Variants in PCSK5 observed in about 807,000 individuals in gnomAD.
PCSK5 encodes prohormone convertase 5.
In PCSK5, 129 loss-of-function variants were observed where a neutral mutation model predicts 233.2. That is an observed-to-expected ratio of 0.55 (90% CI 0.48 to 0.64). The LOEUF is 0.64. Ranked by LOEUF, PCSK5 falls within the 30% of genes least tolerant of loss-of-function variation. The pLI, the probability that PCSK5 is intolerant of heterozygous loss-of-function variation, is 0.00. For synonymous variants in PCSK5, 825 were observed against 879.2 expected (o/e 0.94, Z 1.09); for missense variants, 2,076 against 2,430.1 (o/e 0.85, Z 3.06).
At chr9:76,018,083 C>G (rs75933432) in intron 3 of PCSK5, among the ~76,000 whole-genome samples, 4,839 of 151,152 alleles carry the variant, frequency 0.032, 167 homozygotes, top group East Asian at 0.18. Flanking sequence ...TCGGTAGTTC[C>G]CAAGTACTGA....
In PCSK5 at chr9:76,358,699, A is replaced by G. The variant is rs745419079; in HGVS notation, c.5441A>G (p.Lys1814Arg). Residue 1814 changes from lysine (K) to arginine (R), a missense_variant, in exon 38 of 38, where the codon AAG becomes AGG. This residue lies in a region of PCSK5 where 1,510 missense variants were observed against 1,538.1 expected (regional missense o/e 0.98). Transcript: ENST00000674117. The stretch of plus-strand genomic sequence containing the variant: ...TATGAAAAACTGGCCGACCCCAACA[A>G]GTCTTACTCCTCCTATAAGAGCAGC... ...AGYEKLADPN[K>R]SYSSYKSSYR... 8.7e-6 allele frequency: 14 copies of G among 1,612,746 alleles called. No individual in the cohort carries two copies. The African/African-American group carries it at 1.6e-4, about 18-fold the overall frequency.
intron 34 of PCSK5, among the ~76,000 whole-genome samples, chr9:76,336,701 T>A (rs1282018570): frequency 6.6e-6 from 1 of 152,220 alleles, no homozygotes; most frequent in Non-Finnish European, 1.5e-5. Context: ...ATCACTAATA[T>A]ACATTAATTA....
intron 5 of PCSK5, among the ~76,000 whole-genome samples, chr9:76,062,400 G>A (rs1391256918): frequency 1.3e-5 from 2 of 152,098 alleles, no homozygotes; most frequent in South Asian, 2.1e-4. Flanking sequence ...TATTTACAAA[G>A]CAAGAAATAG....
At position 76,338,328 on chromosome 9, in the gene PCSK5, G is replaced by C. The variant is rs1421849395; in HGVS notation, c.4847G>C (p.Arg1616Thr). The C allele has an allele frequency of 1.2e-6, 2 of 1,612,656 alleles. No homozygotes were observed. Among genetic ancestry groups the C allele is most frequent in the Non-Finnish European group, 1.7e-6 (2 of 1,179,750 alleles). Residue 1616 changes from arginine (R) to threonine (T), a missense_variant, in exon 35 of 38, where the codon AGA (arginine) becomes ACA (threonine). Physicochemically the swap from Arg to Thr is moderately conservative, Grantham distance 71. This residue lies in a region of PCSK5 where 1,510 missense variants were observed against 1,538.1 expected (regional missense o/e 0.98). Coordinates refer to ENST00000674117, the MANE Select transcript of PCSK5 (RefSeq NM_001372043.1). Reference sequence around the variant, plus strand: ...CCCACAGACTGCCTGTCTTGCGATAGATTTTTCTTTCTGCTCCGCTCCAAA... The same window carrying C: ...CCCACAGACTGCCTGTCTTGCGATACATTTTTCTTTCTGCTCCGCTCCAAA... ...PRPTDCLSCD[R>T]FFFLLRSKGE... is the part of the protein sequence containing the mutation.
intron 20 of PCSK5, among the ~76,000 whole-genome samples, chr9:76,192,595 TTCTTCTTGTGTTG>T (rs1824452294): frequency 2.4e-5 from 2 of 83,810 alleles, no homozygotes; most frequent in African/African-American, 6.1e-5. Flanking sequence ...ACATGACTAC[TTCTTCTTGTGTTG>T]AATTTAATTC....
At chr9:75,967,322 C>G (rs538618460) in intron 2 of PCSK5, among the ~76,000 whole-genome samples, 2 of 152,272 alleles carry the variant, frequency 1.3e-5, no homozygotes, top group Non-Finnish European at 2.9e-5. Context: ...GTTTAGCTCC[C>G]ACTTGTAAGT....
chr9:75,917,062 A>C (rs1465862447), intron 1 of PCSK5, among the ~76,000 whole-genome samples: 1 of 150,916 alleles, frequency 6.6e-6, no homozygotes, highest in East Asian at 2.0e-4. Flanking sequence ...CCAGCTACTC[A>C]GGGGGCTGAG....
intron 7 of PCSK5, among the ~76,000 whole-genome samples, chr9:76,092,256 A>G (rs1337992690): frequency 6.6e-6 from 1 of 152,198 alleles, no homozygotes; most frequent in Middle Eastern, 3.2e-3. Context: ...CCAAGCTGCA[A>G]TGGAGACATG....
intron 14 of PCSK5, chr9:76,175,494 G>A (rs1270134487): frequency 1.1e-5 from 4 of 362,446 alleles, no homozygotes; most frequent in Middle Eastern, 6.9e-4. Flanking sequence ...CTGTAATCTG[G>A]GACATATTGT....
At chr9:75,946,325 A>G (rs1400478072) in intron 2 of PCSK5, among the ~76,000 whole-genome samples, 3 of 152,250 alleles carry the variant, frequency 2.0e-5, no homozygotes, top group African/African-American at 7.2e-5. Flanking sequence ...AATTGCATTT[A>G]GGATATTTGG....
At chr9:76,062,497 G>A (rs1242851159) in intron 5 of PCSK5, among the ~76,000 whole-genome samples, 1 of 152,176 alleles carries the variant, frequency 6.6e-6, no homozygotes, top group Admixed American at 6.5e-5. Context: ...CAATTTTCAT[G>A]TCAAATTGTC....
intron 3 of PCSK5, among the ~76,000 whole-genome samples, chr9:76,020,874 A>G (rs1828155204): frequency 6.6e-6 from 1 of 152,118 alleles, no homozygotes. Context: ...ACATGACTTC[A>G]TGTCACAATC....
At position 76,338,402 on chromosome 9, in the gene PCSK5, A is replaced by C. The variant is rs1829738019; in HGVS notation, c.4921A>C (p.Thr1641Pro). 1.2e-6 allele frequency: 2 copies of C among 1,612,666 alleles called. No individual in the cohort carries two copies. The highest frequency in any genetic ancestry group is 1.7e-6 in the Non-Finnish European group (2 of 1,179,822). Residue 1641 changes from threonine (T) to proline (P), a missense_variant, in exon 35 of 38, where the codon ACA becomes CCA. By Grantham distance (38) the Thr-to-Pro change is conservative. Around this residue, in one of 6 missense-constraint regions of PCSK5, gnomAD observed 1,510 missense variants for 1,538.1 expected, o/e 0.98. Transcript: ENST00000674117. ...AGACCATTACTATGTAGAGCAAAGCACACAGACCTGTGAGAGATGCCATCC... is the reference window on the plus strand; with the variant it reads ...AGACCATTACTATGTAGAGCAAAGCCCACAGACCTGTGAGAGATGCCATCC... ...CPDHYYVEQS[T>P]QTCERCHPTC... is the part of the protein sequence containing the mutation.
intron 2 of PCSK5, among the ~76,000 whole-genome samples, chr9:75,950,824 A>G (rs913592158): frequency 6.6e-6 from 1 of 152,264 alleles, no homozygotes; most frequent in East Asian, 1.9e-4. Flanking sequence ...GACAGGATCA[A>G]ATTCACACAT....
chr9:76,321,315 C>T (rs1829193721), intron 30 of PCSK5, 107 bp from the exon 31 acceptor site: 4 of 654,856 alleles, frequency 6.1e-6, no homozygotes, highest in Non-Finnish European at 1.1e-5. Flanking sequence ...TCTCAGCTGA[C>T]GACAGCAGCA....
At chr9:76,197,069 G>C (rs992496143) in intron 20 of PCSK5, among the ~76,000 whole-genome samples, 3 of 152,270 alleles carry the variant, frequency 2.0e-5, no homozygotes, top group East Asian at 1.9e-4. Flanking sequence ...GGAAGAGAGC[G>C]GGAAGAACAT....
At chr9:75,891,557 AC>A in intron 1 of PCSK5, among the ~76,000 whole-genome samples, 184 bp downstream of exon 1, 1 of 150,262 alleles carries the variant, frequency 6.7e-6, no homozygotes, top group Non-Finnish European at 1.5e-5. Flanking sequence ...ACACACACAC[AC>A]ACACACCCCA....
chr9:75,987,287 G>A (rs1172900738), intron 3 of PCSK5, among the ~76,000 whole-genome samples: 2 of 152,094 alleles, frequency 1.3e-5, no homozygotes, highest in Non-Finnish European at 2.9e-5. Flanking sequence ...GGCCTTTCCT[G>A]TGTTCCTATC....
intron 24 of PCSK5, among the ~76,000 whole-genome samples, chr9:76,267,969 A>G (rs957422249): frequency 1.3e-5 from 2 of 151,972 alleles, no homozygotes; most frequent in African/African-American, 2.4e-5. Context: ...ACACACACAC[A>G]CACACACACA....
Sources: gnomAD v4.1 joint callset for allele counts (sites outside exome capture counted in the v4.1 genomes callset) on GRCh38, gnomAD v4.1.1 for gene constraint, gnomAD v4.1.1 regional missense constraint, MANE v1.5 for transcripts, NCBI Gene and HGNC (gene_info 2026-07-23, HGNC 2026-07-21) for gene names.